Variants in HTR1F observed in about 807,000 individuals in gnomAD.
HTR1F encodes the protein 5-hydroxytryptamine (serotonin) receptor 1F, G protein-coupled.
Under a neutral mutation model 24.0 loss-of-function variants are expected in HTR1F, and 17 were observed. The ratio of observed to expected loss-of-function variants is 0.71; its 90% confidence interval spans 0.48 to 1.06. The LOEUF (loss-of-function observed/expected upper bound fraction) is 1.06. Ranked by LOEUF, HTR1F falls within the 50% of genes least tolerant of loss-of-function variation. The probability of loss-of-function intolerance (pLI) is 0.00; values close to 1 mark genes in which losing one functional copy is unlikely to be tolerated. For missense variants in HTR1F, 391 were observed against 427.8 expected (o/e 0.91, Z 0.76); for synonymous variants, 186 against 156.8 (o/e 1.19, Z -1.39).
chr3:87,810,396 C>T (rs1704140687), intron 1 of HTR1F, among the ~76,000 whole-genome samples: 1 of 152,100 alleles, frequency 6.6e-6, no homozygotes, highest in Non-Finnish European at 1.5e-5. Flanking sequence ...CCAAATCACA[C>T]ATTTCTGGAT....
intron 2 of HTR1F, among the ~76,000 whole-genome samples, chr3:87,932,148 G>T (rs1472237650): frequency 6.6e-6 from 1 of 152,050 alleles, no homozygotes; most frequent in African/African-American, 2.4e-5. Context: ...GTAATGCCTA[G>T]GTTTTCTTCT....
chr3:87,857,592 T>C (rs1699798164), intron 2 of HTR1F, among the ~76,000 whole-genome samples: 1 of 152,150 alleles, frequency 6.6e-6, no homozygotes, highest in African/African-American at 2.4e-5. Context: ...AGACTTTTTT[T>C]TTAGAGTAAT....
intron 1 of HTR1F, among the ~76,000 whole-genome samples, chr3:87,795,816 CAA>C (rs1258099951): frequency 1.3e-5 from 2 of 152,012 alleles, no homozygotes; most frequent in African/African-American, 4.8e-5. Context: ...TGAAAATGAA[CAA>C]AAGAGACATA....
Position 87,904,486 on chromosome 3 carries a change from A to G in HTR1F, c.-43+82362A>G, listed in dbSNP as rs1349502372. Among the ~76,000 whole-genome samples the G allele has an allele frequency of 3.3e-5, 5 of 152,276 alleles. No individual in the cohort carries two copies. In the East Asian group the frequency reaches 9.6e-4, roughly 29 times the overall value. ...ACTGAAAACAACCGAAGTGGCCATC[A>G]GTAATAAAATGAATAAATAAACTGT... On this transcript the variant is annotated intron_variant, in intron 2 of 2. Coordinates refer to ENST00000319595, the MANE Select transcript of HTR1F (RefSeq NM_001322209.2).
chr3:87,795,567 A>G (rs1181170119), intron 1 of HTR1F, among the ~76,000 whole-genome samples: 1 of 152,136 alleles, frequency 6.6e-6, no homozygotes, highest in Non-Finnish European at 1.5e-5. Context: ...TCTGGTTGTT[A>G]GCTGAAAGCA....
chr3:87,914,824 C>A (rs1703857162), intron 2 of HTR1F, among the ~76,000 whole-genome samples: 1 of 152,060 alleles, frequency 6.6e-6, no homozygotes, highest in South Asian at 2.1e-4. Context: ...ACCACTATTT[C>A]CTCCCCATAC....
intron 2 of HTR1F, among the ~76,000 whole-genome samples, chr3:87,962,907 C>A (rs573983730): frequency 1.3e-5 from 2 of 152,076 alleles, no homozygotes; most frequent in Non-Finnish European, 2.9e-5. Flanking sequence ...GTAGTTTAAT[C>A]TAGTGATACT....
intron 2 of HTR1F, among the ~76,000 whole-genome samples, chr3:87,859,345 G>A (rs759474771): frequency 1.3e-5 from 2 of 152,202 alleles, no homozygotes; most frequent in African/African-American, 2.4e-5. Flanking sequence ...CTGACTCAGG[G>A]TTCTGGGGAT....
chr3:87,834,648 G>A (rs1398457718), intron 2 of HTR1F, among the ~76,000 whole-genome samples: 1 of 152,140 alleles, frequency 6.6e-6, no homozygotes, highest in African/African-American at 2.4e-5. Flanking sequence ...GCTTAGACCA[G>A]AAGTCTGCAA....
intron 2 of HTR1F, among the ~76,000 whole-genome samples, chr3:87,882,048 A>G (rs1705816039): frequency 6.6e-6 from 1 of 152,244 alleles, no homozygotes; most frequent in African/African-American, 2.4e-5. Flanking sequence ...AAGTGGGTGA[A>G]AGACATGAAC....
chr3:87,855,933 A>G (rs1705188653), intron 2 of HTR1F, among the ~76,000 whole-genome samples: 1 of 151,986 alleles, frequency 6.6e-6, no homozygotes, highest in African/African-American at 2.4e-5. Flanking sequence ...TTTCTTTATA[A>G]TGGCCCTAAA....
At chr3:87,889,897 C>T (rs6764864) in intron 2 of HTR1F, among the ~76,000 whole-genome samples, 28,861 of 152,096 alleles carry the variant, frequency 0.19, 3,620 homozygotes, top group African/African-American at 0.36. Flanking sequence ...GGCACCTCCA[C>T]TGAAAACATA....
intron 2 of HTR1F, among the ~76,000 whole-genome samples, chr3:87,948,337 C>A (rs2107456707): frequency 6.6e-6 from 1 of 152,218 alleles, no homozygotes; most frequent in African/African-American, 2.4e-5. Flanking sequence ...AATAAAGAGG[C>A]TCCAAGACAT....
chr3:87,981,477 G>T (rs971719006), intron 2 of HTR1F, among the ~76,000 whole-genome samples: 1 of 152,184 alleles, frequency 6.6e-6, no homozygotes, highest in Non-Finnish European at 1.5e-5. Context: ...TTACAGGTGT[G>T]AGCCACCATG....
At chr3:87,848,161 A>T (rs920226577) in intron 2 of HTR1F, among the ~76,000 whole-genome samples, 1 of 151,886 alleles carries the variant, frequency 6.6e-6, no homozygotes, top group Non-Finnish European at 1.5e-5. Context: ...TTTTCAGCAC[A>T]TCCTTGCCAT....
At chr3:87,833,603 G>A (rs1237106413) in intron 2 of HTR1F, among the ~76,000 whole-genome samples, 1 of 152,104 alleles carries the variant, frequency 6.6e-6, no homozygotes, top group Non-Finnish European at 1.5e-5. Context: ...CTGGGCTCAA[G>A]GGATCCTGCT....
chr3:87,939,982 C>T (rs1704529146), intron 2 of HTR1F, among the ~76,000 whole-genome samples: 1 of 152,200 alleles, frequency 6.6e-6, no homozygotes, highest in Admixed American at 6.5e-5. Context: ...ATCTTTCCTG[C>T]ATTCTCCTGT....
intron 2 of HTR1F, among the ~76,000 whole-genome samples, chr3:87,840,457 C>T (rs1466167779): frequency 6.6e-6 from 1 of 151,944 alleles, no homozygotes; most frequent in East Asian, 1.9e-4. Context: ...AAAAGGGAAG[C>T]TTTATACTGT....
rs557892592 is a variant in HTR1F, at chr3:87,825,091, A to G, written c.-43+2967A>G. Among the ~76,000 whole-genome samples, 9 of 152,342 alleles carry G rather than the reference A, an allele frequency of 5.9e-5. 1 individual carries two copies. In the East Asian group the frequency reaches 1.7e-3, roughly 29 times the overall value. On this transcript the variant is annotated intron_variant, in intron 2 of 2. Transcript: ENST00000319595. ...AAGCACATAAAAATATGTCATAGCA[A>G]TAAATCTGTTTTCCTACTCTTTGTA...
Sources: allele counts gnomAD v4.1 joint callset (sites outside exome capture counted in the v4.1 genomes callset), GRCh38; gene constraint gnomAD v4.1.1; transcripts MANE v1.5; gene names NCBI Gene and HGNC (gene_info 2026-07-23, HGNC 2026-07-21).